ADAMTS20: variants seen among roughly 807,000 people sequenced by gnomAD.
The protein encoded by ADAMTS20 is ADAM metallopeptidase with thrombospondin type 1 motif 20.
In ADAMTS20, 225 loss-of-function variants were observed where a neutral mutation model predicts 260.1. The ratio of observed to expected loss-of-function variants is 0.87; its 90% CI spans 0.78 to 0.97. The LOEUF (loss-of-function observed/expected upper bound fraction) is 0.97, where lower values mean the gene tolerates loss of function less well. Among genes scored for constraint, ADAMTS20 ranks in the 50% least tolerant of loss-of-function variants. ADAMTS20 has a pLI of 0.00. For synonymous variants in ADAMTS20, 802 were observed against 769.5 expected, an observed-to-expected ratio of 1.04 and a Z score of -0.70; for missense variants, 2,400 against 2,337.7, an observed-to-expected ratio of 1.03 and a Z score of -0.55.
intron 3 of ADAMTS20, among the ~76,000 whole-genome samples, chr12:43,505,780 C>A (rs1187211898): frequency 2.0e-5 from 3 of 152,274 alleles, no homozygotes; most frequent in East Asian, 3.9e-4. Flanking sequence ...TATGATCCAG[C>A]AATCCTACTG....
chr12:43,376,654 C>A lies in ADAMTS20; in HGVS notation c.4996-1G>T. On this transcript the variant is annotated splice_acceptor_variant, in intron 32 of 38. Coordinates refer to ENST00000389420, the MANE Select transcript of ADAMTS20 (RefSeq NM_025003.5). LOFTEE classifies it high-confidence loss of function. ...TCCCAATTCCACAAGTCACTGAGCA[C>A]TGTGAAAAGAGTAAAATTTGAAGGC... 6.3e-7 allele frequency: 1 copy of A among 1,597,432 alleles called. No homozygotes were observed. The highest frequency in any genetic ancestry group is 1.8e-5 in the Admixed American group (1 of 54,832).
intron 28 of ADAMTS20, chr12:43,424,019 C>A (rs746644976): frequency 2.7e-4 from 169 of 623,330 alleles, no homozygotes; most frequent in Non-Finnish European, 4.3e-4. Context: ...ACCTACTCTT[C>A]AAATAACATG....
intron 31 of ADAMTS20, among the ~76,000 whole-genome samples, chr12:43,378,811 T>C (rs903264110): frequency 6.6e-6 from 1 of 152,136 alleles, no homozygotes; most frequent in Non-Finnish European, 1.5e-5. Flanking sequence ...CATCTAAAAA[T>C]TCTCTCTTCT....
At chr12:43,463,207 A>T (rs7302710) in intron 10 of ADAMTS20, among the ~76,000 whole-genome samples, 18,149 of 151,992 alleles carry the variant, frequency 0.12, 1,187 homozygotes, top group Admixed American at 0.21. Flanking sequence ...AAAACTTTTT[A>T]AAAAAATTTT....
intron 7 of ADAMTS20, among the ~76,000 whole-genome samples, chr12:43,477,068 A>C (rs1942369244): frequency 6.6e-6 from 1 of 151,802 alleles, no homozygotes; most frequent in Non-Finnish European, 1.5e-5. Flanking sequence ...AAAAAAAAAA[A>C]ACAATTACCT....
Position 43,432,444 on chromosome 12 carries a change from C to G in ADAMTS20, c.2956G>C (p.Glu986Gln). The change falls in exon 21 of 39, where the codon GAA becomes CAA. Residue 986 changes from glutamate (E) to glutamine (Q), a missense_variant. Coordinates refer to ENST00000389420, the MANE Select transcript of ADAMTS20 (RefSeq NM_025003.5). ...SQCSRSCGGG[E>Q]RSRESYCMNN... ...ATACAATAAGATTCTCGAGACCTTTCCCCTCCTCCACAACTCCTGGAACAC... is the reference window on the plus strand; with the variant it reads ...ATACAATAAGATTCTCGAGACCTTTGCCCTCCTCCACAACTCCTGGAACAC... 6.2e-7 allele frequency: 1 copy of G among 1,613,310 alleles called. No homozygotes were observed. Among genetic ancestry groups the G allele is most frequent in the Non-Finnish European group, 8.5e-7 (1 of 1,179,806 alleles).
At chr12:43,431,966 G>A (rs1052902225) in intron 21 of ADAMTS20, among the ~76,000 whole-genome samples, 4 of 151,050 alleles carry the variant, frequency 2.6e-5, no homozygotes, top group Middle Eastern at 3.4e-3. Context: ...GATACTCCAC[G>A]TCCCAGACTC....
intron 3 of ADAMTS20, among the ~76,000 whole-genome samples, chr12:43,529,337 A>G (rs1340975727): frequency 6.6e-6 from 1 of 152,194 alleles, no homozygotes; most frequent in East Asian, 1.9e-4. Context: ...ATTATATGAA[A>G]GAGACACATG....
chr12:43,474,513 A>C (rs1942318514), intron 7 of ADAMTS20, among the ~76,000 whole-genome samples: 1 of 132,786 alleles, frequency 7.5e-6, no homozygotes, highest in Admixed American at 7.7e-5. Flanking sequence ...TTCTGATACC[A>C]AAGCTGGGCA....
intron 24 of ADAMTS20, among the ~76,000 whole-genome samples, chr12:43,429,337 TG>T (rs1366617822): frequency 2.0e-5 from 3 of 152,202 alleles, no homozygotes; most frequent in African/African-American, 7.2e-5. Flanking sequence ...ATACTAAATC[TG>T]ATTCTCATAA....
chr12:43,492,859 GA>G lies in ADAMTS20; in HGVS notation c.952-231del, dbSNP rs551397030. ...CTTAATACAACCATCCAATATTTAG[GA>G]AAAAAACTTTTAAAAACGACTATAT... is the stretch of plus-strand genomic sequence containing the variant. On this transcript the variant is annotated intron_variant, in intron 5 of 38. Transcript: ENST00000389420. 5.2e-4 allele frequency among the ~76,000 whole-genome samples: 79 copies of G among 151,714 alleles called. 2 individuals carry two copies. Among genetic ancestry groups the G allele is most frequent in the African/African-American group, 1.7e-3 (72 of 41,416 alleles).
chr12:43,457,124 G>A (rs1029336679), intron 11 of ADAMTS20, among the ~76,000 whole-genome samples: 2 of 152,158 alleles, frequency 1.3e-5, no homozygotes, highest in Non-Finnish European at 2.9e-5. Flanking sequence ...TATCAGCAAT[G>A]TGTGCACAAT....
intron 14 of ADAMTS20, among the ~76,000 whole-genome samples, chr12:43,451,434 C>T (rs548542136): frequency 1.3e-5 from 2 of 151,958 alleles, no homozygotes; most frequent in East Asian, 3.9e-4. Context: ...ATATGCAAAT[C>T]GAATCACATC....
intron 28 of ADAMTS20, chr12:43,423,797 T>G (rs1172012290): frequency 1.4e-6 from 1 of 703,298 alleles, no homozygotes; most frequent in Admixed American, 2.0e-5. Context: ...GTGCCTAGGA[T>G]ATAGTAGATG....
Position 43,446,438 on chromosome 12 carries a change from A to G in ADAMTS20, c.2197+157T>C, listed in dbSNP as rs890142682. On this transcript the variant is annotated intron_variant, in intron 15 of 38. Transcript: ENST00000389420. ...TACATCTGGTCTAATACAGTATTTAATTTTTTTATATTTAGGAAATTTTTC... is the reference window on the plus strand; with the variant it reads ...TACATCTGGTCTAATACAGTATTTAGTTTTTTTATATTTAGGAAATTTTTC... 1.3e-4 allele frequency among the ~76,000 whole-genome samples: 20 copies of G among 152,144 alleles called. 1 individual carries two copies. Among genetic ancestry groups the G allele is most frequent in the African/African-American group, 4.1e-4 (17 of 41,422 alleles).
chr12:43,492,510 G>T lies in ADAMTS20; in HGVS notation c.1071C>A (p.Ile357=). The change falls in exon 6 of 39, where the codon ATC becomes ATA. Residue 357 remains isoleucine, a synonymous_variant. Transcript: ENST00000389420. ...HPSHHDTAVL[I]TREDICSSKE... Reference sequence around the variant, plus strand: ...GGTTATTTCTATAATCATACCTAGTGATAAGAACAGCAGTGTCATGGTGGG... The same window carrying T: ...GGTTATTTCTATAATCATACCTAGTTATAAGAACAGCAGTGTCATGGTGGG... 5 of 1,613,806 alleles carry T rather than the reference G, an allele frequency of 3.1e-6. No individual in the cohort carries two copies. Among genetic ancestry groups the T allele is most frequent in the Non-Finnish European group, 4.2e-6 (5 of 1,179,758 alleles).
intron 37 of ADAMTS20, among the ~76,000 whole-genome samples, chr12:43,360,849 A>G (rs1340451607): frequency 6.6e-6 from 1 of 152,204 alleles, no homozygotes; most frequent in East Asian, 1.9e-4. Context: ...ATGAATACAC[A>G]TTCCAAATAT....
chr12:43,547,096 A>G (rs1943450746), intron 2 of ADAMTS20, among the ~76,000 whole-genome samples: 1 of 152,250 alleles, frequency 6.6e-6, no homozygotes, highest in Non-Finnish European at 1.5e-5. Context: ...AGAAAGTATT[A>G]GTTCACATGT....
intron 15 of ADAMTS20, among the ~76,000 whole-genome samples, chr12:43,444,505 T>TAAAAAG (rs1941725373): frequency 6.6e-6 from 1 of 152,154 alleles, no homozygotes; most frequent in Non-Finnish European, 1.5e-5. Context: ...AGTAAAAAGT[T>TAAAAAG]TACTCAAGTG....
Sources: allele counts gnomAD v4.1 joint callset (sites outside exome capture counted in the v4.1 genomes callset), GRCh38; gene constraint gnomAD v4.1.1; transcripts MANE v1.5; gene names NCBI Gene and HGNC (gene_info 2026-07-23, HGNC 2026-07-21).